Variants in MYO1D observed in about 807,000 individuals in gnomAD.
The protein encoded by MYO1D is unconventional myosin-Id.
A neutral mutation model predicts 122.0 loss-of-function variants in MYO1D; 83 were observed. That is an observed-to-expected ratio of 0.68 (90% CI 0.57 to 0.82). The LOEUF (loss-of-function observed/expected upper bound fraction) is 0.82, where lower values mean the gene tolerates loss of function less well. MYO1D is among the 40% of genes least tolerant of loss of function. The probability of loss-of-function intolerance (pLI) is 0.00; values close to 1 mark genes in which losing one functional copy is unlikely to be tolerated. For missense variants in MYO1D, 1,157 were observed against 1,269.5 expected, an observed-to-expected ratio of 0.91 and a Z score of 1.35; for synonymous variants, 464 against 446.9, an observed-to-expected ratio of 1.04 and a Z score of -0.48.
At chr17:32,677,688 G>A (rs941865906) in intron 16 of MYO1D, among the ~76,000 whole-genome samples, 5 of 150,198 alleles carry the variant, frequency 3.3e-5, no homozygotes, top group South Asian at 2.1e-4. Flanking sequence ...AAGGGCATAC[G>A]GTATAGTTTT....
chr17:32,725,357 A>AC (rs2089559494), intron 14 of MYO1D, among the ~76,000 whole-genome samples: 1 of 151,998 alleles, frequency 6.6e-6, no homozygotes, highest in African/African-American at 2.4e-5. Flanking sequence ...CGTTTCTACT[A>AC]AAAATACAAA....
chr17:32,606,295 T>A (rs2087627176), intron 20 of MYO1D, among the ~76,000 whole-genome samples: 1 of 152,196 alleles, frequency 6.6e-6, no homozygotes, highest in Admixed American at 6.5e-5. Flanking sequence ...ATAACACCAA[T>A]TCACCATATT....
chr17:32,802,901 T>C (rs2090472356), intron 1 of MYO1D, among the ~76,000 whole-genome samples: 2 of 152,182 alleles, frequency 1.3e-5, no homozygotes, highest in Non-Finnish European at 2.9e-5. Context: ...CTAAAAAAGC[T>C]GGAGGTTTCA....
intron 1 of MYO1D, among the ~76,000 whole-genome samples, chr17:32,856,936 C>G (rs779844553): frequency 6.6e-6 from 1 of 152,210 alleles, no homozygotes; most frequent in African/African-American, 2.4e-5. Context: ...TCCCCTCCCC[C>G]CAAGTCTGTA....
chr17:32,676,255 A>T (rs2088807216), intron 16 of MYO1D, among the ~76,000 whole-genome samples: 1 of 152,116 alleles, frequency 6.6e-6, no homozygotes, highest in Non-Finnish European at 1.5e-5. Context: ...AATTGATGGG[A>T]TAATGTAGCT....
chr17:32,538,282 C>CT (rs67908958), intron 21 of MYO1D, among the ~76,000 whole-genome samples: 7 of 141,966 alleles, frequency 4.9e-5, no homozygotes, highest in African/African-American at 1.3e-4. Flanking sequence ...AATAAATCAT[C>CT]TTTTTTTTTT....
At chr17:32,829,173 G>A (rs1045550176) in intron 1 of MYO1D, among the ~76,000 whole-genome samples, 2 of 152,218 alleles carry the variant, frequency 1.3e-5, no homozygotes, top group African/African-American at 4.8e-5. Flanking sequence ...ACAGGGAGGA[G>A]CTAAGAAAGT....
At chr17:32,763,398 C>A (rs1271033962) in intron 8 of MYO1D, among the ~76,000 whole-genome samples, 2 of 152,060 alleles carry the variant, frequency 1.3e-5, no homozygotes, top group South Asian at 2.1e-4. Flanking sequence ...GCTTGCCACA[C>A]AGATAACAAA....
Position 32,639,363 on chromosome 17 carries a change from TTGTGTGTGTGTGTGTGTGTGTGTGTGTG to T in MYO1D, c.2596-556_2596-529del, listed in dbSNP as rs10674390. 3.5e-3 allele frequency among the ~76,000 whole-genome samples: 446 copies of T among 128,266 alleles called. 3 individuals carry two copies. The highest frequency in any genetic ancestry group is 0.012 in the African/African-American group (388 of 31,306). 84.1% of individuals were successfully genotyped at this position (128,266 alleles called of 152,430 possible). Reference sequence around the variant, plus strand: ...CTAGATTATGAGATTGGGAGAAATTTTGTGTGTGTGTGTGTGTGTGTGTGTGTGTGTGTGTGTGTGTGTGTGTAGAATG... The same window carrying T: ...CTAGATTATGAGATTGGGAGAAATTTTGTGTGTGTGTGTGTGTGTAGAATG... On this transcript the variant is annotated intron_variant, in intron 19 of 21. Transcript: ENST00000318217.
intron 21 of MYO1D, among the ~76,000 whole-genome samples, chr17:32,578,085 C>T (rs2087296003): frequency 6.6e-6 from 1 of 152,126 alleles, no homozygotes; most frequent in Non-Finnish European, 1.5e-5. Context: ...ATTAGAATGC[C>T]CAGGTTTATA....
At chr17:32,629,917 A>G (rs2087981869) in intron 20 of MYO1D, among the ~76,000 whole-genome samples, 1 of 152,186 alleles carries the variant, frequency 6.6e-6, no homozygotes, top group Admixed American at 6.5e-5. Flanking sequence ...TGATACTGCT[A>G]TGCATGGATA....
At chr17:32,606,305 T>C (rs1264424632) in intron 20 of MYO1D, among the ~76,000 whole-genome samples, 2 of 152,232 alleles carry the variant, frequency 1.3e-5, no homozygotes, top group Non-Finnish European at 2.9e-5. Context: ...TTCACCATAT[T>C]TCTTCTAGAA....
chr17:32,708,457 A>G (rs2089335716), intron 16 of MYO1D, among the ~76,000 whole-genome samples: 1 of 152,214 alleles, frequency 6.6e-6, no homozygotes, highest in South Asian at 2.1e-4. Flanking sequence ...TTATTTTAAA[A>G]GGAAATAAAA....
chr17:32,564,919 T>A (rs643069), intron 21 of MYO1D, among the ~76,000 whole-genome samples: 70,697 of 152,150 alleles, frequency 0.46, 16,787 homozygotes, highest in African/African-American at 0.55. Flanking sequence ...ACAATTACGT[T>A]AAACAGTCCA....
chr17:32,714,722 C>G (rs4453554), intron 15 of MYO1D, among the ~76,000 whole-genome samples: 74,988 of 151,932 alleles, frequency 0.49, 18,804 homozygotes, highest in East Asian at 0.73. Context: ...AAAAACCCCA[C>G]AAGAAAATCT....
intron 16 of MYO1D, among the ~76,000 whole-genome samples, chr17:32,704,773 G>A (rs919545967): frequency 2.0e-5 from 3 of 152,112 alleles, no homozygotes; most frequent in Non-Finnish European, 4.4e-5. Flanking sequence ...TTGAGGAAAT[G>A]CAGATTGAGG....
intron 4 of MYO1D, 48 bp downstream of exon 4, chr17:32,775,816 A>C (rs751873945): frequency 5.5e-6 from 8 of 1,449,500 alleles, no homozygotes; most frequent in Non-Finnish European, 7.5e-6. Flanking sequence ...AATTTGTTTA[A>C]ACATTCAGCA....
intron 20 of MYO1D, among the ~76,000 whole-genome samples, chr17:32,626,955 GA>G (rs1228341687): frequency 6.6e-6 from 1 of 152,028 alleles, no homozygotes; most frequent in Non-Finnish European, 1.5e-5. Context: ...ATCAGAATAA[GA>G]AAAAAATTTC....
chr17:32,626,997 T>G (rs1415927059), intron 20 of MYO1D, among the ~76,000 whole-genome samples: 1 of 152,178 alleles, frequency 6.6e-6, no homozygotes, highest in Non-Finnish European at 1.5e-5. Flanking sequence ...CTCTATAATA[T>G]AGACATTACT....
Sources: allele counts gnomAD v4.1 joint callset (sites outside exome capture counted in the v4.1 genomes callset), GRCh38; gene constraint gnomAD v4.1.1; transcripts MANE v1.5; gene names NCBI Gene and HGNC (gene_info 2026-07-23, HGNC 2026-07-21).